Variants in EML6 observed in about 807,000 individuals in gnomAD.
EML6 encodes EMAP like 6.
A neutral mutation model predicts 240.1 loss-of-function variants in EML6; 154 were observed. The observed-to-expected ratio is 0.64, with a 90% CI of 0.56 to 0.73. The LOEUF (loss-of-function observed/expected upper bound fraction) is 0.73, where lower values mean the gene tolerates loss of function less well. EML6 is among the 30% of genes least tolerant of loss of function. EML6 has a pLI of 0.00. For missense variants in EML6, 2,964 were observed against 2,474.6 expected (o/e 1.20, Z -4.20); for synonymous variants, 1,148 against 899.0 (o/e 1.28, Z -4.95).
chr2:54,945,326 C>T (rs1051471675), intron 28 of EML6, among the ~76,000 whole-genome samples: 1 of 143,010 alleles, frequency 7.0e-6, no homozygotes. Flanking sequence ...TTTGGATTTC[C>T]CAAGACATTC....
At chr2:54,882,906 A>G (rs1260633202) in intron 17 of EML6, 1 of 146,844 alleles carries the variant, frequency 6.8e-6, no homozygotes, top group Non-Finnish European at 1.5e-5. Context: ...GCTTATGCAT[A>G]TGGCAGGCGT....
At chr2:54,901,265 G>A (rs1259496279) in intron 22 of EML6, among the ~76,000 whole-genome samples, 2 of 152,200 alleles carry the variant, frequency 1.3e-5, no homozygotes, top group South Asian at 2.1e-4. Context: ...CACACCTGTG[G>A]CCACTGCTTA....
At chr2:54,811,957 T>A (rs1667869648) in intron 2 of EML6, among the ~76,000 whole-genome samples, 1 of 152,224 alleles carries the variant, frequency 6.6e-6, no homozygotes, top group African/African-American at 2.4e-5. Context: ...TTATGAAGAT[T>A]CCTGAAGATA....
At chr2:54,801,552 T>G (rs1020533052) in intron 2 of EML6, among the ~76,000 whole-genome samples, 2 of 152,224 alleles carry the variant, frequency 1.3e-5, no homozygotes, top group Admixed American at 6.5e-5. Flanking sequence ...GTGCTTGTCT[T>G]TCTTTGTGAA....
At chr2:54,854,830 C>T (rs1670285252) in intron 11 of EML6, among the ~76,000 whole-genome samples, 1 of 152,208 alleles carries the variant, frequency 6.6e-6, no homozygotes, top group Non-Finnish European at 1.5e-5. Flanking sequence ...CTTCTTTTTC[C>T]CCACAAGAGC....
intron 7 of EML6, among the ~76,000 whole-genome samples, chr2:54,841,878 C>T (rs1669477742): frequency 6.6e-6 from 1 of 152,060 alleles, no homozygotes; most frequent in Non-Finnish European, 1.5e-5. Context: ...CAGGCATGAG[C>T]CACCGTGCCT....
At chr2:54,869,594 A>G (rs982955345) in intron 15 of EML6, among the ~76,000 whole-genome samples, 5 of 152,224 alleles carry the variant, frequency 3.3e-5, no homozygotes, top group African/African-American at 7.2e-5. Context: ...GATGAGATCT[A>G]TGAATGGGAC....
At chr2:54,741,408 G>T (rs1231388478) in intron 2 of EML6, among the ~76,000 whole-genome samples, 1 of 151,998 alleles carries the variant, frequency 6.6e-6, no homozygotes, top group East Asian at 1.9e-4. Context: ...CATTTAAAAA[G>T]TTGCCATAGA....
At chr2:54,965,059 T>C (rs1676688352) in intron 38 of EML6, among the ~76,000 whole-genome samples, 2 of 152,216 alleles carry the variant, frequency 1.3e-5, no homozygotes, top group African/African-American at 4.8e-5. Flanking sequence ...ACCTAAGCCT[T>C]GTGCCGCTTC....
intron 2 of EML6, among the ~76,000 whole-genome samples, chr2:54,764,087 A>G (rs1232691710): frequency 6.6e-6 from 1 of 152,218 alleles, no homozygotes; most frequent in Non-Finnish European, 1.5e-5. Context: ...TAGGTTGGCA[A>G]AAGTGGCTGA....
chr2:54,872,908 C>G (rs1671329049), intron 16 of EML6, among the ~76,000 whole-genome samples: 1 of 152,168 alleles, frequency 6.6e-6, no homozygotes, highest in Non-Finnish European at 1.5e-5. Flanking sequence ...GCACCCATTG[C>G]TCTTGTGGCA....
At chr2:54,772,808 C>G (rs570879124) in intron 2 of EML6, among the ~76,000 whole-genome samples, 17 of 152,346 alleles carry the variant, frequency 1.1e-4, no homozygotes, top group African/African-American at 3.8e-4. Context: ...CTTTCTCACA[C>G]AGGACTGTTA....
intron 25 of EML6, among the ~76,000 whole-genome samples, chr2:54,915,547 C>A (rs1031868772): frequency 6.6e-6 from 1 of 152,072 alleles, no homozygotes; most frequent in African/African-American, 2.4e-5. Flanking sequence ...TGTGTTCCTA[C>A]CCAAGGCCCC....
intron 26 of EML6, among the ~76,000 whole-genome samples, chr2:54,921,443 A>C (rs1361711716): frequency 6.6e-6 from 1 of 152,126 alleles, no homozygotes; most frequent in Admixed American, 6.5e-5. Context: ...AAATAAATGG[A>C]AAGAGATCCT....
intron 2 of EML6, among the ~76,000 whole-genome samples, chr2:54,733,944 A>G (rs1189985988): frequency 6.6e-6 from 1 of 152,210 alleles, no homozygotes; most frequent in Non-Finnish European, 1.5e-5. Flanking sequence ...AGAAGGAGGC[A>G]AATGATTTCT....
At chr2:54,841,084 GA>G (rs1400687100) in intron 7 of EML6, among the ~76,000 whole-genome samples, 1 of 117,014 alleles carries the variant, frequency 8.5e-6, no homozygotes, top group Non-Finnish European at 1.7e-5. Flanking sequence ...GGTAGGCAAA[GA>G]GATCAGGACA....
intron 12 of EML6, among the ~76,000 whole-genome samples, chr2:54,862,878 A>G (rs956619568): frequency 3.3e-5 from 5 of 152,160 alleles, no homozygotes; most frequent in African/African-American, 1.2e-4. Flanking sequence ...GGATAACAGG[A>G]GAGGATACAT....
intron 21 of EML6, among the ~76,000 whole-genome samples, chr2:54,897,319 ATGTT>A (rs1672823329): frequency 6.6e-6 from 1 of 152,094 alleles, no homozygotes; most frequent in Non-Finnish European, 1.5e-5. Context: ...ATTCTTTCCT[ATGTT>A]TGTTTCTATT....
At chr2:54,963,613 G>A (rs973952471) in intron 36 of EML6, among the ~76,000 whole-genome samples, 1 of 152,178 alleles carries the variant, frequency 6.6e-6, no homozygotes, top group Admixed American at 6.5e-5. Context: ...GCCAGATCGG[G>A]CCTGTGGCCT....
Sources: allele counts gnomAD v4.1 joint callset (sites outside exome capture counted in the v4.1 genomes callset), GRCh38; gene constraint gnomAD v4.1.1; transcripts MANE v1.5; gene names NCBI Gene and HGNC (gene_info 2026-07-23, HGNC 2026-07-21).